NPAS3: variants seen among roughly 807,000 people sequenced by gnomAD.
NPAS3 encodes neuronal PAS domain protein 3, also known as neuronal PAS domain-containing protein 3.
NPAS3 carries 14 observed loss-of-function variants against 73.1 expected under a neutral mutation model. The ratio of observed to expected loss-of-function variants is 0.19; its 90% CI spans 0.13 to 0.30. The LOEUF (loss-of-function observed/expected upper bound fraction) is 0.30. Ranked by LOEUF, NPAS3 falls within the 10% of genes least tolerant of loss-of-function variation. The pLI is 1.00. For missense variants in NPAS3, 1,096 were observed against 1,250.0 expected (o/e 0.88, Z 1.86); for synonymous variants, 620 against 541.5 (o/e 1.14, Z -2.01).
chr14:33,222,707 T>G (rs2047478188), intron 3 of NPAS3, among the ~76,000 whole-genome samples: 1 of 152,186 alleles, frequency 6.6e-6, no homozygotes, highest in Admixed American at 6.5e-5. Flanking sequence ...AAAGTAAGTA[T>G]TTAACTATGT....
chr14:33,127,016 C>T (rs1180965161), intron 2 of NPAS3, among the ~76,000 whole-genome samples: 2 of 151,958 alleles, frequency 1.3e-5, no homozygotes, highest in African/African-American at 4.8e-5. Flanking sequence ...ACCTGAATTT[C>T]CTAATTCCAT....
intron 11 of NPAS3, 67 bp from the exon 12 acceptor site, chr14:33,799,667 G>T (rs554564899): frequency 1.2e-5 from 18 of 1,528,098 alleles, no homozygotes; most frequent in Non-Finnish European, 1.5e-5. Flanking sequence ...GGGTCGCCCC[G>T]CTAACCTGGT....
intron 2 of NPAS3, among the ~76,000 whole-genome samples, chr14:33,143,670 A>G (rs1230979008): frequency 2.6e-5 from 4 of 152,270 alleles, no homozygotes; most frequent in Admixed American, 2.0e-4. Context: ...GTTCTAAAAC[A>G]TGTTTATCAC....
chr14:33,267,456 T>C (rs1450325396), intron 3 of NPAS3, among the ~76,000 whole-genome samples: 1 of 152,142 alleles, frequency 6.6e-6, no homozygotes, highest in East Asian at 1.9e-4. Context: ...AAATGTAGAA[T>C]AGAGAATTAA....
chr14:33,123,305 C>T (rs1431985896), intron 2 of NPAS3, among the ~76,000 whole-genome samples: 2 of 151,938 alleles, frequency 1.3e-5, no homozygotes, highest in Non-Finnish European at 2.9e-5. Context: ...AAGTGGGGAG[C>T]CACTTACCTG....
At chr14:33,658,247 A>G (rs1314296597) in intron 5 of NPAS3, among the ~76,000 whole-genome samples, 4 of 152,260 alleles carry the variant, frequency 2.6e-5, no homozygotes, top group Non-Finnish European at 5.9e-5. Flanking sequence ...GAAAAGGTAC[A>G]GTGACTTATC....
chr14:33,382,005 T>C (rs537371945), intron 4 of NPAS3, among the ~76,000 whole-genome samples: 1 of 152,092 alleles, frequency 6.6e-6, no homozygotes, highest in South Asian at 2.1e-4. Flanking sequence ...GAGGGGAAAA[T>C]CATTTGGGGC....
chr14:33,084,989 A>G (rs2041976034), intron 2 of NPAS3, among the ~76,000 whole-genome samples: 1 of 152,192 alleles, frequency 6.6e-6, no homozygotes, highest in African/African-American at 2.4e-5. Flanking sequence ...AGCCAAACTG[A>G]AGTTTGACCT....
chr14:33,163,487 A>G (rs577072834), intron 2 of NPAS3, among the ~76,000 whole-genome samples: 1 of 152,382 alleles, frequency 6.6e-6, no homozygotes, highest in Non-Finnish European at 1.5e-5. Flanking sequence ...TCTTTCTACA[A>G]AATACTTGCT....
intron 2 of NPAS3, among the ~76,000 whole-genome samples, chr14:33,181,841 A>G (rs2045809478): frequency 6.6e-6 from 1 of 152,196 alleles, no homozygotes; most frequent in Non-Finnish European, 1.5e-5. Flanking sequence ...AAATAAATGC[A>G]TGTAAATGGC....
rs181155202 is a variant in NPAS3 at position 33,244,718 on chromosome 14, C to T, written c.385+29292C>T. ...CCGGTTCTCTACTCTTTCTTCTATA[C>T]CACTTTACCAGAGCCTTTAATTATT... On this transcript the variant is annotated intron_variant, in intron 3 of 11. Coordinates refer to ENST00000356141, the Ensembl canonical transcript of NPAS3. Among the ~76,000 whole-genome samples, 854 of 152,234 alleles carry T rather than the reference C, an allele frequency of 5.6e-3. 6 individuals are homozygous for T. Among genetic ancestry groups the T allele is most frequent in the Middle Eastern group, 0.014 (4 of 292 alleles).
chr14:33,668,733 C>A (rs1018757730), intron 5 of NPAS3, among the ~76,000 whole-genome samples: 1 of 152,250 alleles, frequency 6.6e-6, no homozygotes, highest in African/African-American at 2.4e-5. Context: ...ACCGGAGGAT[C>A]GCTTGAGCCC....
At chr14:33,748,352 C>G (rs958592535) in intron 7 of NPAS3, among the ~76,000 whole-genome samples, 1 of 152,132 alleles carries the variant, frequency 6.6e-6, no homozygotes, top group African/African-American at 2.4e-5. Context: ...TTGACACATT[C>G]TATGACATAT....
intron 1 of NPAS3, among the ~76,000 whole-genome samples, chr14:32,940,321 G>C (rs2035936218): frequency 6.6e-6 from 1 of 152,214 alleles, no homozygotes; most frequent in African/African-American, 2.4e-5. Context: ...TGTTCTACGT[G>C]AGTAGCATTG....
chr14:33,314,403 A>G (rs1381207110), intron 3 of NPAS3, among the ~76,000 whole-genome samples: 1 of 152,034 alleles, frequency 6.6e-6, no homozygotes, highest in Non-Finnish European at 1.5e-5. Flanking sequence ...TAGCTAAAGT[A>G]TTTGACCTTC....
intron 5 of NPAS3, among the ~76,000 whole-genome samples, chr14:33,636,996 T>C (rs557351774): frequency 2.0e-5 from 3 of 152,276 alleles, no homozygotes; most frequent in Admixed American, 6.5e-5. Context: ...GTTACATCTA[T>C]CTTTGTTTTC....
At chr14:33,558,141 G>A (rs919212909) in intron 4 of NPAS3, among the ~76,000 whole-genome samples, 10 of 152,158 alleles carry the variant, frequency 6.6e-5, no homozygotes, top group African/African-American at 2.2e-4. Flanking sequence ...GCTCTTTAGT[G>A]GAACAATATA....
chr14:32,987,518 T>C (rs2038147301), intron 1 of NPAS3, among the ~76,000 whole-genome samples: 1 of 152,194 alleles, frequency 6.6e-6, no homozygotes, highest in Non-Finnish European at 1.5e-5. Context: ...TTCTTATTTT[T>C]TATTTCCAGT....
chr14:33,800,818 C>A lies in NPAS3; in HGVS notation c.2511C>A (p.Thr837=), dbSNP rs2063690195. The A allele has an allele frequency of 1.9e-6, 3 of 1,601,634 alleles. No homozygotes were observed. The highest frequency in any genetic ancestry group is 2.6e-6 in the Non-Finnish European group (3 of 1,174,786). ...TCCGCTACGCGCCCGCCGAGGTGAC[C>A]CTGGCCATGCAGAGCAACCTGCTGC... The change falls in exon 12 of 12, where the codon ACC becomes ACA. Residue 837 remains threonine, a synonymous_variant. Transcript: ENST00000356141. This position sits in a 1 kb window ranked among gnomAD's most constrained non-coding sequence, Gnocchi z 6.5.
Sources: allele counts gnomAD v4.1 joint callset (sites outside exome capture counted in the v4.1 genomes callset), GRCh38; gene constraint gnomAD v4.1.1; non-coding constraint Gnocchi (gnomAD v3.1); transcripts MANE v1.5; gene names NCBI Gene and HGNC (gene_info 2026-07-23, HGNC 2026-07-21).